The following CSRNP3 variants were observed in gnomAD, a reference collection of about 807,000 sequenced individuals.
CSRNP3 encodes cysteine and serine rich nuclear protein 3.
In CSRNP3, 12 loss-of-function variants were observed where a neutral mutation model predicts 48.0. The observed-to-expected ratio is 0.25, with a 90% CI of 0.16 to 0.41. The LOEUF (loss-of-function observed/expected upper bound fraction) is 0.41, where lower values mean the gene tolerates loss of function less well. CSRNP3 is among the 10% of genes least tolerant of loss of function. The pLI, the probability that CSRNP3 is intolerant of heterozygous loss-of-function variation, is 1.00. For missense variants in CSRNP3, 580 were observed against 724.4 expected (o/e 0.80, Z 2.29); for synonymous variants, 263 against 269.7 (o/e 0.98, Z 0.24).
At chr2:165,573,668 G>A (rs1451901182) in intron 3 of CSRNP3, among the ~76,000 whole-genome samples, 1 of 152,136 alleles carries the variant, frequency 6.6e-6, no homozygotes, top group Non-Finnish European at 1.5e-5. Flanking sequence ...ACACCACTTA[G>A]GATGATAGTC....
intron 1 of CSRNP3, among the ~76,000 whole-genome samples, chr2:165,477,775 G>C (rs1683984771): frequency 6.6e-6 from 1 of 151,894 alleles, no homozygotes; most frequent in South Asian, 2.1e-4. Flanking sequence ...CCAAGAATTT[G>C]ACACTAGCCT....
intron 1 of CSRNP3, among the ~76,000 whole-genome samples, chr2:165,475,731 T>G (rs928772388): frequency 1.3e-5 from 2 of 152,204 alleles, no homozygotes; most frequent in African/African-American, 4.8e-5. Context: ...GACGGTCTCT[T>G]CCTTCCATGT....
intron 3 of CSRNP3, among the ~76,000 whole-genome samples, chr2:165,557,604 C>A (rs1877874): frequency 6.6e-6 from 1 of 151,998 alleles, no homozygotes; most frequent in Admixed American, 6.5e-5. Context: ...GAGGAGGGAG[C>A]TCCCCCCACA....
At chr2:165,548,469 A>G (rs1685058415) in intron 3 of CSRNP3, among the ~76,000 whole-genome samples, 1 of 152,096 alleles carries the variant, frequency 6.6e-6, no homozygotes, top group East Asian at 1.9e-4. Flanking sequence ...AATTGTCCAA[A>G]CTACTCTATA....
At chr2:165,552,228 A>C (rs899416119) in intron 3 of CSRNP3, among the ~76,000 whole-genome samples, 2 of 152,230 alleles carry the variant, frequency 1.3e-5, no homozygotes, top group Non-Finnish European at 2.9e-5. Flanking sequence ...ATCTGAATAA[A>C]GATCTTACAG....
intron 4 of CSRNP3, among the ~76,000 whole-genome samples, chr2:165,598,091 GA>G (rs956591520): frequency 6.6e-6 from 1 of 152,084 alleles, no homozygotes; most frequent in Non-Finnish European, 1.5e-5. Context: ...AAAACAAGGT[GA>G]AAACTATATA....
At chr2:165,541,680 C>G (rs1684959541) in intron 3 of CSRNP3, among the ~76,000 whole-genome samples, 1 of 152,106 alleles carries the variant, frequency 6.6e-6, no homozygotes, top group African/African-American at 2.4e-5. Flanking sequence ...CCTAAACTCT[C>G]ATGTGACCAC....
At chr2:165,608,070 C>G (rs943742188) in intron 4 of CSRNP3, among the ~76,000 whole-genome samples, 1 of 149,832 alleles carries the variant, frequency 6.7e-6, no homozygotes, top group Non-Finnish European at 1.5e-5. Flanking sequence ...TATTTACCCA[C>G]GTATATATAT....
chr2:165,678,650 TATTTGGTTTGTAATAGTTCCATG>T (rs1215960215), intron 6 of CSRNP3, 28 bp from the exon 7 acceptor site: 1 of 1,555,230 alleles, frequency 6.4e-7, no homozygotes, highest in East Asian at 2.3e-5. Flanking sequence ...TCTGGGCGTT[TATTTGGTTTGTAATAGTTCCATG>T]GTGCTAATCT....
intron 1 of CSRNP3, among the ~76,000 whole-genome samples, chr2:165,484,512 A>T (rs1684087367): frequency 6.6e-6 from 1 of 152,190 alleles, no homozygotes. Context: ...GAAAATATAA[A>T]TCAAGTCATC....
At chr2:165,535,837 C>T (rs1261276571) in intron 3 of CSRNP3, among the ~76,000 whole-genome samples, 2 of 151,670 alleles carry the variant, frequency 1.3e-5, no homozygotes, top group Non-Finnish European at 3.0e-5. Flanking sequence ...TTATAAAATC[C>T]ACATGGGAAG....
intron 5 of CSRNP3, among the ~76,000 whole-genome samples, chr2:165,659,023 G>A (rs1687054863): frequency 2.0e-5 from 3 of 152,278 alleles, no homozygotes; most frequent in Middle Eastern, 6.8e-3. Context: ...GCAGGAATGA[G>A]GCTTTGTAAA....
intron 3 of CSRNP3, among the ~76,000 whole-genome samples, chr2:165,548,813 C>T (rs888420375): frequency 6.6e-6 from 1 of 151,788 alleles, no homozygotes; most frequent in African/African-American, 2.4e-5. Context: ...GTTGTGGACT[C>T]GATAGTCTTT....
At position 165,631,104 on chromosome 2, in the gene CSRNP3, G is replaced by A. The variant is rs147444594; in HGVS notation, c.149-26657G>A. On this transcript the variant is annotated intron_variant, in intron 4 of 6. Coordinates refer to ENST00000651982, the MANE Select transcript of CSRNP3 (RefSeq NM_001172173.2). Reference sequence around the variant, plus strand: ...CAATATTCTGAGCCAGATAACTTCCGAGGAGGTATATTAGAGGGTTTTAAA... The same window carrying A: ...CAATATTCTGAGCCAGATAACTTCCAAGGAGGTATATTAGAGGGTTTTAAA... Among the ~76,000 whole-genome samples, 491 of 152,218 alleles carry A rather than the reference G, an allele frequency of 3.2e-3. 4 individuals carry two copies. The highest frequency in any genetic ancestry group is 0.01 in the African/African-American group (428 of 41,534).
At position 165,683,639 on chromosome 2, in the gene CSRNP3, C is replaced by A. The variant is rs1035802245; in HGVS notation, c.*3886C>A. On this transcript the variant is annotated 3_prime_UTR_variant, in exon 7 of 7. Transcript: ENST00000651982. ...ATTCAAAATTTATTAAGTATCAATT[C>A]TTTCTTTCAACAAATATGTACTGAA... The A allele has an allele frequency of 2.0e-5, 3 of 151,992 alleles. No individual in the cohort carries two copies. The highest frequency in any genetic ancestry group is 4.4e-5 in the Non-Finnish European group (3 of 67,970). The allele number at this position is 151,992 out of a possible 1,614,324, so 9.4% of individuals were successfully genotyped here. A position where few individuals can be genotyped will look rare whatever the true frequency, so the allele number is the denominator to read the frequency against.
At chr2:165,673,738 T>A (rs578034315) in intron 5 of CSRNP3, among the ~76,000 whole-genome samples, 12 of 152,116 alleles carry the variant, frequency 7.9e-5, no homozygotes, top group Non-Finnish European at 1.0e-4. Context: ...TAACCATTTT[T>A]AAAAAATAGA....
intron 1 of CSRNP3, among the ~76,000 whole-genome samples, chr2:165,480,137 T>C (rs1461846945): frequency 6.6e-6 from 1 of 152,184 alleles, no homozygotes; most frequent in Admixed American, 6.5e-5. Context: ...TGTGCTGTCA[T>C]GTGACCCTTT....
In CSRNP3 at chr2:165,682,009, C is replaced by G. The variant is rs1400640409; in HGVS notation, c.*2256C>G. 1 of 151,694 alleles carries G rather than the reference C, an allele frequency of 6.6e-6. No homozygotes were observed. Among genetic ancestry groups the G allele is most frequent in the Non-Finnish European group, 1.5e-5 (1 of 67,960 alleles). 9.4% of individuals were successfully genotyped at this position (151,694 alleles called of 1,614,324 possible). A position where few individuals can be genotyped will look rare whatever the true frequency, so the allele number is the denominator to read the frequency against. ...GTGTACTGTATTTGCTGGACCATTA[C>G]AAGCTCTTGAAGGATCTGCTTGTGA... On this transcript the variant is annotated 3_prime_UTR_variant, in exon 7 of 7. Transcript: ENST00000651982.
intron 1 of CSRNP3, among the ~76,000 whole-genome samples, chr2:165,477,500 T>A (rs1683979373): frequency 9.4e-6 from 1 of 106,844 alleles, no homozygotes; most frequent in Admixed American, 1.0e-4. Flanking sequence ...ATATATATAA[T>A]ACAAATATAT....
Sources: allele counts gnomAD v4.1 joint callset (sites outside exome capture counted in the v4.1 genomes callset), GRCh38; gene constraint gnomAD v4.1.1; transcripts MANE v1.5; gene names NCBI Gene and HGNC (gene_info 2026-07-23, HGNC 2026-07-21).